Variants in HS3ST4 observed in about 807,000 individuals in gnomAD.
The protein encoded by HS3ST4 is heparan sulfate glucosamine 3-O-sulfotransferase 4.
In HS3ST4, 17 loss-of-function variants were observed where a neutral mutation model predicts 29.2. The observed-to-expected ratio is 0.58, with a 90% CI of 0.40 to 0.87. HS3ST4 has a LOEUF of 0.87. Among genes scored for constraint, HS3ST4 ranks in the 40% least tolerant of loss-of-function variants. The probability of loss-of-function intolerance (pLI) is 0.00; values close to 1 mark genes in which losing one functional copy is unlikely to be tolerated. For missense variants in HS3ST4, 627 were observed against 634.5 expected (o/e 0.99, Z 0.13); for synonymous variants, 314 against 285.7 (o/e 1.10, Z -1.00).
chr16:25,839,008 C>A (rs1464359230), intron 1 of HS3ST4, among the ~76,000 whole-genome samples: 1 of 152,166 alleles, frequency 6.6e-6, no homozygotes, highest in African/African-American at 2.4e-5. Flanking sequence ...GGGACCTCTT[C>A]ATTTTGAAGT....
At chr16:26,012,265 T>TTGGA (rs1157056307) in intron 1 of HS3ST4, among the ~76,000 whole-genome samples, 1 of 152,138 alleles carries the variant, frequency 6.6e-6, no homozygotes, top group Non-Finnish European at 1.5e-5. Flanking sequence ...TCAAAGTGTA[T>TTGGA]CAGCTTGAGG....
chr16:25,874,814 C>T (rs1043764079), intron 1 of HS3ST4, among the ~76,000 whole-genome samples: 1 of 152,158 alleles, frequency 6.6e-6, no homozygotes, highest in Admixed American at 6.6e-5. Flanking sequence ...AGAGCATGGA[C>T]TCTGGAGCCA....
At chr16:25,787,562 G>A (rs189171141) in intron 1 of HS3ST4, among the ~76,000 whole-genome samples, 9 of 152,276 alleles carry the variant, frequency 5.9e-5, no homozygotes, top group Admixed American at 2.0e-4. Context: ...ATATGCTGCT[G>A]CCAGGAGCAC....
chr16:26,011,955 CA>C (rs1336749783), intron 1 of HS3ST4, among the ~76,000 whole-genome samples: 2 of 152,118 alleles, frequency 1.3e-5, no homozygotes, highest in Admixed American at 6.6e-5. Flanking sequence ...AGGTTAGGGC[CA>C]AATGGCCTTT....
intron 1 of HS3ST4, among the ~76,000 whole-genome samples, chr16:25,796,452 G>A (rs753434909): frequency 6.6e-6 from 1 of 152,132 alleles, no homozygotes. Context: ...AGAAGAAACC[G>A]CATGCTCAGA....
rs1020071095 is a variant in HS3ST4, at chr16:25,791,145, C to T, written c.734+97994C>T. Among the ~76,000 whole-genome samples the T allele has an allele frequency of 2.0e-5, 3 of 151,792 alleles. No homozygotes were observed. In the East Asian group the frequency reaches 5.8e-4, roughly 29 times the overall value. Reference sequence around the variant, plus strand: ...TGATATAGAATCATTTATTAAAAATCCACTTTCCCCGCATTGCAGTATAAT... The same window carrying T: ...TGATATAGAATCATTTATTAAAAATTCACTTTCCCCGCATTGCAGTATAAT... On this transcript the variant is annotated intron_variant, in intron 1 of 1. Coordinates refer to ENST00000331351, the MANE Select transcript of HS3ST4 (RefSeq NM_006040.3).
intron 1 of HS3ST4, among the ~76,000 whole-genome samples, chr16:25,931,679 A>T (rs759126976): frequency 2.2e-4 from 34 of 152,246 alleles, no homozygotes; most frequent in Non-Finnish European, 4.0e-4. Flanking sequence ...TGCACTTGGC[A>T]CAGGTCTATG....
At chr16:26,120,156 C>A (rs189072727) in intron 1 of HS3ST4, among the ~76,000 whole-genome samples, 6 of 152,024 alleles carry the variant, frequency 3.9e-5, no homozygotes, top group East Asian at 1.9e-4. Context: ...ATATAAGAAT[C>A]TTTATAGCAG....
At chr16:25,902,601 T>C (rs1391325907) in intron 1 of HS3ST4, among the ~76,000 whole-genome samples, 1 of 152,138 alleles carries the variant, frequency 6.6e-6, no homozygotes, top group Non-Finnish European at 1.5e-5. Context: ...AGAGGTTTTC[T>C]ACCTTCAACC....
At chr16:26,034,546 C>T (rs534493112) in intron 1 of HS3ST4, among the ~76,000 whole-genome samples, 47 of 152,202 alleles carry the variant, frequency 3.1e-4, no homozygotes, top group Admixed American at 1.1e-3. Context: ...TTTCCCCATT[C>T]TACATGGCTT....
intron 1 of HS3ST4, among the ~76,000 whole-genome samples, chr16:25,901,251 T>C (rs1376774660): frequency 6.6e-6 from 1 of 152,174 alleles, no homozygotes; most frequent in African/African-American, 2.4e-5. Flanking sequence ...CCCAGGGCCA[T>C]GTAAAAATGT....
chr16:25,996,778 T>A (rs891552812), intron 1 of HS3ST4, among the ~76,000 whole-genome samples: 1 of 152,172 alleles, frequency 6.6e-6, no homozygotes, highest in Admixed American at 6.5e-5. Context: ...TTTTATAAAA[T>A]TAACAAAAAT....
chr16:25,938,774 TATC>T (rs750071931), intron 1 of HS3ST4, among the ~76,000 whole-genome samples: 1 of 152,184 alleles, frequency 6.6e-6, no homozygotes, highest in East Asian at 1.9e-4. Flanking sequence ...AATATCACAT[TATC>T]AGGGAAGTCT....
chr16:26,060,310 G>A (rs890983598), intron 1 of HS3ST4, among the ~76,000 whole-genome samples: 4 of 152,116 alleles, frequency 2.6e-5, no homozygotes, highest in African/African-American at 4.8e-5. Flanking sequence ...GGGTGTCCAC[G>A]GCTGGTAAGG....
At chr16:26,047,977 T>C (rs1488955802) in intron 1 of HS3ST4, among the ~76,000 whole-genome samples, 4 of 152,160 alleles carry the variant, frequency 2.6e-5, no homozygotes, top group Non-Finnish European at 5.9e-5. Context: ...TCCAACCAGA[T>C]GTGAGGCAAT....
chr16:25,980,067 C>G (rs1407875175), intron 1 of HS3ST4, among the ~76,000 whole-genome samples: 1 of 152,144 alleles, frequency 6.6e-6, no homozygotes, highest in Non-Finnish European at 1.5e-5. Context: ...ATGTCCTCCT[C>G]CAATCTGTTC....
chr16:26,096,639 A>G (rs1416647829), intron 1 of HS3ST4, among the ~76,000 whole-genome samples: 2 of 152,248 alleles, frequency 1.3e-5, no homozygotes, highest in East Asian at 1.9e-4. Flanking sequence ...AGCCATTATC[A>G]TACAGAATGG....
intron 1 of HS3ST4, among the ~76,000 whole-genome samples, chr16:25,756,154 GCACACA>G (rs71997199): frequency 6.3e-4 from 83 of 132,692 alleles, no homozygotes; most frequent in Non-Finnish European, 1.0e-3. Flanking sequence ...ACACACACAC[GCACACA>G]CACACACACA....
intron 1 of HS3ST4, among the ~76,000 whole-genome samples, chr16:25,726,638 T>G (rs1191225910): frequency 1.3e-5 from 2 of 152,130 alleles, no homozygotes; most frequent in Non-Finnish European, 2.9e-5. Flanking sequence ...TATGCCCTTG[T>G]TCTCCCTGCC....
Sources: allele counts gnomAD v4.1 joint callset (sites outside exome capture counted in the v4.1 genomes callset), GRCh38; gene constraint gnomAD v4.1.1; transcripts MANE v1.5; gene names NCBI Gene and HGNC (gene_info 2026-07-23, HGNC 2026-07-21).